ASPRV1: variants seen among roughly 807,000 people sequenced by gnomAD.
ASPRV1 encodes the protein retroviral-like aspartic protease 1.
In ASPRV1, 7 loss-of-function variants were observed where a neutral mutation model predicts 11.0. The ratio of observed to expected loss-of-function variants is 0.64; its 90% confidence interval spans 0.36 to 1.20. The LOEUF is 1.20. Among genes scored for constraint, ASPRV1 ranks in the 50% most tolerant of loss-of-function variants. The pLI is 0.02. For synonymous variants in ASPRV1, 136 were observed against 138.4 expected, an observed-to-expected ratio of 0.98 and a Z score of 0.12; for missense variants, 299 against 320.0, an observed-to-expected ratio of 0.93 and a Z score of 0.50.
the ASPRV1 span, among the ~76,000 whole-genome samples, chr2:69,983,556 G>T: frequency 6.6e-6 from 1 of 152,186 alleles, no homozygotes; most frequent in East Asian, 1.9e-4. Context: ...GCTGAGCTGG[G>T]CTGGGCTGGA....
chr2:69,935,174 C>T, the ASPRV1 span, among the ~76,000 whole-genome samples: 34 of 152,300 alleles, frequency 2.2e-4, no homozygotes, highest in South Asian at 6.6e-3. Context: ...TTTTGCTTCT[C>T]ATTGGTTTTC....
chr2:70,080,313 G>A, the ASPRV1 span, among the ~76,000 whole-genome samples: 5 of 151,348 alleles, frequency 3.3e-5, no homozygotes, highest in African/African-American at 1.2e-4. Flanking sequence ...TGCAACCTCC[G>A]CCTCCCAGGT....
At chr2:70,084,564 G>C in the ASPRV1 span, among the ~76,000 whole-genome samples, 1 of 152,164 alleles carries the variant, frequency 6.6e-6, no homozygotes, top group Non-Finnish European at 1.5e-5. Context: ...GGTTTTGTGA[G>C]GATTAAATGT....
chr2:70,007,840 T>A, the ASPRV1 span, among the ~76,000 whole-genome samples: 1 of 152,040 alleles, frequency 6.6e-6, no homozygotes, highest in South Asian at 2.1e-4. Flanking sequence ...TGTATTTTTA[T>A]TTATTTATTT....
the ASPRV1 span, among the ~76,000 whole-genome samples, chr2:70,046,957 C>T: frequency 5.9e-5 from 9 of 152,014 alleles, no homozygotes; most frequent in South Asian, 2.1e-4. Flanking sequence ...AAAATACATA[C>T]GGAGGGATGA....
At chr2:69,990,843 G>A in the ASPRV1 span, among the ~76,000 whole-genome samples, 1 of 152,072 alleles carries the variant, frequency 6.6e-6, no homozygotes, top group Admixed American at 6.5e-5. Flanking sequence ...AACTTCTTGG[G>A]AAGGGACATT....
the ASPRV1 span, among the ~76,000 whole-genome samples, chr2:70,067,917 A>T: frequency 6.6e-6 from 1 of 152,360 alleles, no homozygotes; most frequent in Non-Finnish European, 1.5e-5. Context: ...GGGCAGGAGG[A>T]GAAGCTTACA....
the ASPRV1 span, among the ~76,000 whole-genome samples, chr2:70,079,305 T>C: frequency 6.6e-6 from 1 of 150,700 alleles, no homozygotes; most frequent in African/African-American, 2.4e-5. Flanking sequence ...AGACCCTGTC[T>C]CTACAAAAAA....
At chr2:69,983,440 G>C in the ASPRV1 span, among the ~76,000 whole-genome samples, 2 of 152,214 alleles carry the variant, frequency 1.3e-5, no homozygotes, top group Non-Finnish European at 2.9e-5. Context: ...TGAAGAGCAG[G>C]TGAGGATTTG....
chr2:69,967,225 ATAAG>A, the ASPRV1 span, among the ~76,000 whole-genome samples: 1 of 152,210 alleles, frequency 6.6e-6, no homozygotes, highest in African/African-American at 2.4e-5. Flanking sequence ...GAGTTCACAG[ATAAG>A]TAAGAGAGAC....
At chr2:69,987,393 C>T in the ASPRV1 span, among the ~76,000 whole-genome samples, 2 of 151,956 alleles carry the variant, frequency 1.3e-5, no homozygotes, top group East Asian at 1.9e-4. Context: ...CACTTCAGTC[C>T]CATTCCTCTG....
the ASPRV1 span, among the ~76,000 whole-genome samples, chr2:70,034,347 A>G: frequency 1.3e-5 from 2 of 151,164 alleles, no homozygotes; most frequent in African/African-American, 4.9e-5. Flanking sequence ...GGCGGGCAGA[A>G]CACCTGAGGT....
the ASPRV1 span, chr2:70,019,192 T>C: frequency 3.3e-5 from 5 of 152,080 alleles, no homozygotes; most frequent in East Asian, 1.9e-4. Flanking sequence ...ACCAGAGAAA[T>C]GCAATTCAAA....
In ASPRV1 at chr2:69,961,353, G is replaced by A. The variant is rs185200393; in HGVS notation, c.84C>T (p.Val28=). The change falls in exon 1 of 1, where the codon GTC becomes GTT. Residue 28 remains valine, a synonymous_variant. Transcript: ENST00000320256. The stretch of plus-strand genomic sequence containing the variant: ...CAAAGCTGTGCAGCCAGAGGTTTGG[G>A]ACGACATTGGCCCCATCAAAAGGTT... ...VPEPFDGANV[V]PNLWLHSFEV... 1.7e-5 allele frequency: 28 copies of A among 1,614,150 alleles called. No individual in the cohort carries two copies. The Admixed American group carries it at 2.2e-4, about 12-fold the overall frequency.
the ASPRV1 span, among the ~76,000 whole-genome samples, chr2:70,040,560 G>A: frequency 6.6e-6 from 1 of 152,238 alleles, no homozygotes; most frequent in East Asian, 1.9e-4. Context: ...TACCGGCTGG[G>A]CACGGTGGCT....
chr2:70,048,089 C>T, the ASPRV1 span, among the ~76,000 whole-genome samples: 1 of 95,574 alleles, frequency 1.0e-5, no homozygotes, highest in East Asian at 3.1e-4. Context: ...AGCCTGGTGA[C>T]AGAGCGAGAC....
At chr2:70,050,411 A>G in the ASPRV1 span, 2 of 152,244 alleles carry the variant, frequency 1.3e-5, no homozygotes, top group Non-Finnish European at 2.9e-5. Flanking sequence ...ACAGTACTCA[A>G]AAAGAACAAG....
At chr2:70,007,307 C>G in the ASPRV1 span, among the ~76,000 whole-genome samples, 1 of 152,038 alleles carries the variant, frequency 6.6e-6, no homozygotes, top group East Asian at 1.9e-4. Context: ...CACCTGAGGT[C>G]AGGAGTCCTA....
chr2:70,055,631 G>A, the ASPRV1 span: 1 of 151,950 alleles, frequency 6.6e-6, no homozygotes, highest in Non-Finnish European at 1.5e-5. Flanking sequence ...CTGTTGGGGG[G>A]TGGGGGTGAG....
Sources: allele counts gnomAD v4.1 joint callset (sites outside exome capture counted in the v4.1 genomes callset), GRCh38; gene constraint gnomAD v4.1.1; transcripts MANE v1.5; gene names NCBI Gene and HGNC (gene_info 2026-07-23, HGNC 2026-07-21).